The following NBAS variants were observed in gnomAD, a reference collection of about 807,000 sequenced individuals.
NBAS encodes the protein NAG/BC035112 fusion.
In NBAS, 219 loss-of-function variants were observed where a neutral mutation model predicts 302.5. The observed-to-expected ratio is 0.72, with a 90% CI of 0.65 to 0.81. The LOEUF is 0.81. Among genes scored for constraint, NBAS ranks in the 30% least tolerant of loss-of-function variants. NBAS has a pLI of 0.00. For synonymous variants in NBAS, 1,118 were observed against 1,021.6 expected (o/e 1.09, Z -1.80); for missense variants, 2,932 against 2,841.6 (o/e 1.03, Z -0.72).
At chr2:15,407,440 G>T (rs955684152) in intron 25 of NBAS, among the ~76,000 whole-genome samples, 5 of 152,196 alleles carry the variant, frequency 3.3e-5, no homozygotes, top group African/African-American at 1.2e-4. Context: ...GAATAGGGGA[G>T]AACTGGAAAT....
At chr2:14,999,377 A>G in the NBAS span, among the ~76,000 whole-genome samples, 2 of 152,134 alleles carry the variant, frequency 1.3e-5, no homozygotes, top group East Asian at 3.9e-4. Flanking sequence ...TTTATCTGAT[A>G]TGGTTTGGCT....
the NBAS span, among the ~76,000 whole-genome samples, chr2:14,919,766 C>G: frequency 6.6e-6 from 1 of 152,186 alleles, no homozygotes; most frequent in East Asian, 1.9e-4. Context: ...CTCACGTACT[C>G]AAGTTTGATC....
chr2:15,528,885 A>ATATATATATATATATGTGTG (rs1553333195), intron 9 of NBAS, among the ~76,000 whole-genome samples: 10 of 123,206 alleles, frequency 8.1e-5, no homozygotes, highest in African/African-American at 3.2e-4. Flanking sequence ...AAAAATATAT[A>ATATATATATATATATGTGTG]TATATATATA....
chr2:15,218,835 T>C lies in NBAS; in HGVS notation c.6370A>G (p.Ser2124Gly), dbSNP rs1355649578. ...GQSFHLTEED[S>G]KLLVFFRTEA... Reference sequence around the variant, plus strand: ...GTTCTAAAGAACACGAGGAGCTTGCTGTCCTCCTCAGTCAGGTGAAATGAT... The same window carrying C: ...GTTCTAAAGAACACGAGGAGCTTGCCGTCCTCCTCAGTCAGGTGAAATGAT... Residue 2124 changes from serine to glycine, a missense_variant, in exon 48 of 52, where the codon AGC becomes GGC. Transcript: ENST00000281513. 2 of 1,614,256 alleles carry C rather than the reference T, an allele frequency of 1.2e-6. No homozygotes were observed. Among genetic ancestry groups the C allele is most frequent in the East Asian group, 2.2e-5 (1 of 44,886 alleles).
At chr2:15,398,108 T>TG (rs1675959086) in intron 26 of NBAS, among the ~76,000 whole-genome samples, 1 of 147,806 alleles carries the variant, frequency 6.8e-6, no homozygotes, top group African/African-American at 2.5e-5. Flanking sequence ...TGTGTGTGTG[T>TG]TTGTGTATGT....
At chr2:14,959,756 T>A in the NBAS span, among the ~76,000 whole-genome samples, 1 of 152,166 alleles carries the variant, frequency 6.6e-6, no homozygotes. Context: ...TCCATCTTAC[T>A]CCTCAAACCC....
chr2:15,493,807 T>G (rs1680960582), intron 11 of NBAS, among the ~76,000 whole-genome samples: 1 of 151,702 alleles, frequency 6.6e-6, no homozygotes, highest in South Asian at 2.1e-4. Context: ...GCAATAAAAT[T>G]TATATGTAGC....
At chr2:15,210,214 C>G (rs1457972586) in intron 48 of NBAS, among the ~76,000 whole-genome samples, 1 of 152,022 alleles carries the variant, frequency 6.6e-6, no homozygotes, top group Non-Finnish European at 1.5e-5. Context: ...AAAATATTTG[C>G]AAACTACTCA....
At position 15,192,120 on chromosome 2, in the gene NBAS, C is replaced by T. The variant is rs562781923; in HGVS notation, c.6433-1717G>A. On this transcript the variant is annotated intron_variant, in intron 48 of 51. Transcript: ENST00000281513. Reference sequence around the variant, plus strand: ...CCCTGTTTCATTTTCCTTCTTAGCACTTACAACTATGTGACATGCTATATA... The same window carrying T: ...CCCTGTTTCATTTTCCTTCTTAGCATTTACAACTATGTGACATGCTATATA... Among the ~76,000 whole-genome samples, 270 of 152,336 alleles carry T rather than the reference C, an allele frequency of 1.8e-3. 9 individuals carry two copies. The highest frequency in any genetic ancestry group is 6.5e-4 in the Non-Finnish European group (44 of 68,036).
chr2:15,511,427 C>A, intron 9 of NBAS, 77 bp from the exon 10 acceptor site: 1 of 1,367,598 alleles, frequency 7.3e-7, no homozygotes, highest in South Asian at 1.2e-5. Flanking sequence ...CAGAAACAGT[C>A]ACCTTGAGAA....
chr2:15,099,946 G>T, the NBAS span, among the ~76,000 whole-genome samples: 1 of 152,186 alleles, frequency 6.6e-6, no homozygotes, highest in Non-Finnish European at 1.5e-5. Context: ...AATCTAGGGG[G>T]AAAATGACTA....
the NBAS span, among the ~76,000 whole-genome samples, chr2:14,887,043 T>C: frequency 2.6e-5 from 4 of 152,182 alleles, no homozygotes; most frequent in Non-Finnish European, 5.9e-5. Flanking sequence ...AAAGAATTTG[T>C]CATAGCAGGC....
the NBAS span, among the ~76,000 whole-genome samples, chr2:14,996,426 C>T: frequency 4.6e-5 from 7 of 152,280 alleles, no homozygotes; most frequent in South Asian, 2.1e-4. Flanking sequence ...CAGTTTCAGT[C>T]CAGATAGTCT....
At chr2:15,113,624 G>T in the NBAS span, among the ~76,000 whole-genome samples, 1 of 151,978 alleles carries the variant, frequency 6.6e-6, no homozygotes, top group Non-Finnish European at 1.5e-5. Context: ...AAAAATAAGT[G>T]CAGTAAAATG....
chr2:15,197,683 A>G (rs1021660519), intron 48 of NBAS, among the ~76,000 whole-genome samples: 2 of 152,280 alleles, frequency 1.3e-5, no homozygotes, highest in South Asian at 2.1e-4. Context: ...TCAGTTCTAA[A>G]CATCTTGCCC....
At chr2:15,120,798 A>C in the NBAS span, among the ~76,000 whole-genome samples, 1 of 152,232 alleles carries the variant, frequency 6.6e-6, no homozygotes, top group African/African-American at 2.4e-5. Flanking sequence ...GGGCGAGAAC[A>C]CAGCCAGACC....
chr2:14,788,735 C>A, the NBAS span, among the ~76,000 whole-genome samples: 60,216 of 151,872 alleles, frequency 0.4, 12,437 homozygotes, highest in African/African-American at 0.5. Context: ...GTCAGTCTGC[C>A]CCTACTGGGG....
At chr2:14,890,996 A>C in the NBAS span, among the ~76,000 whole-genome samples, 1 of 152,234 alleles carries the variant, frequency 6.6e-6, no homozygotes, top group Non-Finnish European at 1.5e-5. Flanking sequence ...GATTAGAGTT[A>C]CTAATTTCTA....
chr2:15,199,937 C>T (rs929531369), intron 48 of NBAS, among the ~76,000 whole-genome samples: 4 of 147,154 alleles, frequency 2.7e-5, no homozygotes, highest in Admixed American at 6.7e-5. Flanking sequence ...GGTCTTACTC[C>T]GTTACCCAGG....
Sources: gnomAD v4.1 joint callset for allele counts (sites outside exome capture counted in the v4.1 genomes callset) on GRCh38, gnomAD v4.1.1 for gene constraint, MANE v1.5 for transcripts, NCBI Gene and HGNC (gene_info 2026-07-23, HGNC 2026-07-21) for gene names.